Variants in ANKS1B observed in about 807,000 individuals in gnomAD.
The protein encoded by ANKS1B is ankyrin repeat and sterile alpha motif domain containing 1B.
A neutral mutation model predicts 148.3 loss-of-function variants in ANKS1B; 36 were observed. That is an observed-to-expected ratio of 0.24 (90% CI 0.19 to 0.32). The LOEUF is 0.32. Ranked by LOEUF, ANKS1B falls within the 10% of genes least tolerant of loss-of-function variation. The pLI is 1.00. For synonymous variants in ANKS1B, 542 were observed against 560.8 expected, an observed-to-expected ratio of 0.97 and a Z score of 0.47; for missense variants, 1,157 against 1,542.6, an observed-to-expected ratio of 0.75 and a Z score of 4.19.
At chr12:99,220,203 T>C (rs1449775396) in intron 14 of ANKS1B, among the ~76,000 whole-genome samples, 13 of 152,134 alleles carry the variant, frequency 8.5e-5, no homozygotes, top group Non-Finnish European at 1.5e-5. Context: ...TTTCATCATG[T>C]TGGCCAGGCT....
intron 9 of ANKS1B, among the ~76,000 whole-genome samples, chr12:99,617,094 A>G (rs2097974986): frequency 6.6e-6 from 1 of 152,198 alleles, no homozygotes; most frequent in Non-Finnish European, 1.5e-5. Flanking sequence ...ACAATGAGAT[A>G]CCACCTCATG....
At chr12:98,946,753 T>C (rs1411941136) in intron 17 of ANKS1B, among the ~76,000 whole-genome samples, 3 of 151,422 alleles carry the variant, frequency 2.0e-5, no homozygotes, top group Non-Finnish European at 4.4e-5. Context: ...CTGGGAAACA[T>C]AGCGATACCT....
At chr12:98,775,762 G>A (rs1254952746) in intron 24 of ANKS1B, among the ~76,000 whole-genome samples, 1 of 151,896 alleles carries the variant, frequency 6.6e-6, no homozygotes, top group African/African-American at 2.4e-5. Context: ...CAGCCCTCCT[G>A]TTCTCTATTC....
At chr12:99,169,952 T>G (rs954759274) in intron 14 of ANKS1B, among the ~76,000 whole-genome samples, 4 of 152,198 alleles carry the variant, frequency 2.6e-5, no homozygotes, top group Non-Finnish European at 5.9e-5. Flanking sequence ...GTGAGAATGC[T>G]CATCCATACA....
chr12:99,571,707 T>G (rs2097457560), intron 9 of ANKS1B, among the ~76,000 whole-genome samples: 1 of 152,146 alleles, frequency 6.6e-6, no homozygotes, highest in African/African-American at 2.4e-5. Flanking sequence ...ATTATTTCAA[T>G]GATCATAGAG....
intron 12 of ANKS1B, among the ~76,000 whole-genome samples, chr12:99,315,557 A>T (rs746538189): frequency 6.6e-6 from 1 of 151,954 alleles, no homozygotes; most frequent in Non-Finnish European, 1.5e-5. Context: ...ATTTTTTTCT[A>T]TAAGTTTTAT....
chr12:99,207,405 A>ACAAAGTATT (rs1177593341), intron 14 of ANKS1B, among the ~76,000 whole-genome samples: 1 of 151,944 alleles, frequency 6.6e-6, no homozygotes, highest in African/African-American at 2.4e-5. Context: ...GTCATTCTTA[A>ACAAAGTATT]CAAAACTAAA....
At chr12:99,603,132 C>G (rs1294370575) in intron 9 of ANKS1B, among the ~76,000 whole-genome samples, 6 of 152,066 alleles carry the variant, frequency 3.9e-5, no homozygotes, top group Admixed American at 3.9e-4. Context: ...ACCTCCACCT[C>G]CTGGGTTCAA....
At chr12:99,278,291 A>G (rs1418395751) in intron 12 of ANKS1B, among the ~76,000 whole-genome samples, 2 of 152,222 alleles carry the variant, frequency 1.3e-5, no homozygotes, top group South Asian at 2.1e-4. Flanking sequence ...CTGGCTAGAT[A>G]TCAACACTGA....
intron 12 of ANKS1B, chr12:99,386,289 AG>A: frequency 6.6e-6 from 1 of 152,344 alleles, no homozygotes; most frequent in South Asian, 2.1e-4. Context: ...AGTTCACTCT[AG>A]ATTGTGTGAA....
rs1182264550 is a variant in ANKS1B at position 98,769,165 on chromosome 12, CTTTTTTTTTTTTTTTT to C, written c.3579+3861_3579+3876del. Among the ~76,000 whole-genome samples, 37 of 41,232 alleles carry C rather than the reference CTTTTTTTTTTTTTTTT, an allele frequency of 9.0e-4. 1 individual carries two copies. Among genetic ancestry groups the C allele is most frequent in the African/African-American group, 2.7e-3 (33 of 12,278 alleles). 27.0% of individuals were successfully genotyped at this position (41,232 alleles called of 152,430 possible). On this transcript the variant is annotated intron_variant, in intron 25 of 26. Transcript: ENST00000683438. ...TTGAGGTATTATAGGGTCTTCTTTA[CTTTTTTTTTTTTTTTT>C]TTTTTTTTTTTTTGCCATTTGGGGC...
At chr12:99,615,051 A>G (rs1330276671) in intron 9 of ANKS1B, among the ~76,000 whole-genome samples, 1 of 152,210 alleles carries the variant, frequency 6.6e-6, no homozygotes, top group African/African-American at 2.4e-5. Context: ...ATATTGTATC[A>G]TGAAAATAGT....
chr12:99,209,113 T>A (rs1442225783), intron 14 of ANKS1B, among the ~76,000 whole-genome samples: 1 of 152,218 alleles, frequency 6.6e-6, no homozygotes, highest in Non-Finnish European at 1.5e-5. Context: ...CTGTAGGTAC[T>A]GTGGGTAAAG....
At chr12:98,756,625 C>T (rs1393084490) in intron 25 of ANKS1B, among the ~76,000 whole-genome samples, 1 of 150,364 alleles carries the variant, frequency 6.7e-6, no homozygotes, top group Non-Finnish European at 1.5e-5. Context: ...ACTTGGGAGG[C>T]TGAGGCAGGA....
At chr12:99,212,513 T>C (rs555163935) in intron 14 of ANKS1B, among the ~76,000 whole-genome samples, 3 of 152,310 alleles carry the variant, frequency 2.0e-5, no homozygotes, top group African/African-American at 7.2e-5. Context: ...CAGCATTGCA[T>C]TTTCTTTCTT....
At chr12:99,169,893 G>A (rs867277029) in intron 14 of ANKS1B, among the ~76,000 whole-genome samples, 5 of 152,112 alleles carry the variant, frequency 3.3e-5, no homozygotes, top group Admixed American at 1.3e-4. Flanking sequence ...ACTCTATGCC[G>A]CTTCTGTGTT....
chr12:99,969,341 G>A (rs2095530120), intron 1 of ANKS1B, among the ~76,000 whole-genome samples: 2 of 152,006 alleles, frequency 1.3e-5, no homozygotes, highest in Admixed American at 1.3e-4. Flanking sequence ...ACCACACCCA[G>A]CTATTTTTAT....
At chr12:99,490,985 G>C (rs550006853) in intron 10 of ANKS1B, among the ~76,000 whole-genome samples, 6 of 152,324 alleles carry the variant, frequency 3.9e-5, no homozygotes, top group African/African-American at 1.2e-4. Flanking sequence ...GTATGCAGCA[G>C]CTGCTAAATA....
intron 9 of ANKS1B, among the ~76,000 whole-genome samples, chr12:99,531,571 A>T (rs1385597762): frequency 6.6e-6 from 1 of 152,204 alleles, no homozygotes. Flanking sequence ...GTAGCATTCC[A>T]TGGTATATAT....
Sources: allele counts gnomAD v4.1 joint callset (sites outside exome capture counted in the v4.1 genomes callset), GRCh38; gene constraint gnomAD v4.1.1; transcripts MANE v1.5; gene names NCBI Gene and HGNC (gene_info 2026-07-23, HGNC 2026-07-21).